Variants in ARID1B observed in about 807,000 individuals in gnomAD.
ARID1B encodes AT-rich interaction domain 1B, also known as AT-rich interactive domain-containing protein 1B.
A neutral mutation model predicts 212.3 loss-of-function variants in ARID1B; 30 were observed. That is an observed-to-expected ratio of 0.14 (90% CI 0.11 to 0.19). The LOEUF (loss-of-function observed/expected upper bound fraction) is 0.19, where lower values mean the gene tolerates loss of function less well. Among genes scored for constraint, ARID1B ranks in the 10% least tolerant of loss-of-function variants. The pLI is 1.00. For synonymous variants in ARID1B, 1,402 were observed against 1,301.7 expected (o/e 1.08, Z -1.66); for missense variants, 2,891 against 3,204.0 (o/e 0.90, Z 2.36).
intron 7 of ARID1B, among the ~76,000 whole-genome samples, chr6:157,141,952 A>T (rs1220275260): frequency 2.0e-5 from 3 of 152,236 alleles, no homozygotes; most frequent in Non-Finnish European, 4.4e-5. Flanking sequence ...TTCCTACCAC[A>T]CAAAGACCTG....
chr6:157,142,683 T>C (rs1299574500), intron 7 of ARID1B, among the ~76,000 whole-genome samples: 1 of 152,176 alleles, frequency 6.6e-6, no homozygotes. Flanking sequence ...GTAGTAACTG[T>C]TATAAAAATG....
intron 4 of ARID1B, among the ~76,000 whole-genome samples, chr6:156,956,611 A>T (rs1793998472): frequency 6.6e-6 from 1 of 152,146 alleles, no homozygotes; most frequent in Non-Finnish European, 1.5e-5. Flanking sequence ...TAGTCCACTG[A>T]TATCTTAATG....
intron 4 of ARID1B, among the ~76,000 whole-genome samples, chr6:157,041,691 C>T (rs1015209083): frequency 7.2e-5 from 11 of 152,206 alleles, no homozygotes; most frequent in South Asian, 2.1e-4. Flanking sequence ...CTCAAGTTCA[C>T]GCAACCAATC....
At chr6:156,804,467 G>A (rs978130733) in intron 1 of ARID1B, among the ~76,000 whole-genome samples, 5 of 152,066 alleles carry the variant, frequency 3.3e-5, no homozygotes, top group African/African-American at 1.2e-4. Flanking sequence ...CCTGAGACTG[G>A]GTAATTTATA....
intron 1 of ARID1B, among the ~76,000 whole-genome samples, chr6:156,782,319 T>C (rs1252852154): frequency 6.6e-6 from 1 of 152,070 alleles, no homozygotes; most frequent in Admixed American, 6.5e-5. Flanking sequence ...GGGTGGCAAA[T>C]GTTTTCGTAA....
At chr6:157,162,768 C>T (rs967297203) in intron 8 of ARID1B, among the ~76,000 whole-genome samples, 3 of 152,200 alleles carry the variant, frequency 2.0e-5, no homozygotes, top group Non-Finnish European at 2.9e-5. Context: ...AGCGCAGTGT[C>T]GGCATCCTGG....
chr6:156,854,746 T>C lies in ARID1B; in HGVS notation c.1986+25325T>C, dbSNP rs145197889. On this transcript the variant is annotated intron_variant, in intron 2 of 19. Transcript: ENST00000636930. ...GTGCTATTTGCTTGTTGTGTTTGAA[T>C]ATATAGGGCACAGATGAAACAGTGA... Among the ~76,000 whole-genome samples the C allele has an allele frequency of 3.3e-3, 496 of 152,380 alleles. 2 individuals carry two copies. Among genetic ancestry groups the C allele is most frequent in the African/African-American group, 0.011 (472 of 41,586 alleles).
chr6:157,184,801 T>C (rs1236253340), intron 13 of ARID1B: 2 of 292,044 alleles, frequency 6.8e-6, no homozygotes, highest in Non-Finnish European at 1.3e-5. Flanking sequence ...TTTGAATACA[T>C]GTGCACTTCT....
intron 2 of ARID1B, among the ~76,000 whole-genome samples, chr6:156,831,354 C>T (rs1427553853): frequency 1.3e-5 from 2 of 152,200 alleles, no homozygotes; most frequent in African/African-American, 4.8e-5. Flanking sequence ...AGTGGATGCT[C>T]GCTGCTCTTG....
chr6:157,121,765 G>A (rs541604901), intron 6 of ARID1B, among the ~76,000 whole-genome samples: 31 of 151,508 alleles, frequency 2.0e-4, no homozygotes, highest in Admixed American at 7.9e-4. Flanking sequence ...CCGAGTAGCT[G>A]GAACTATAGG....
chr6:157,093,735 T>G (rs1448130880), intron 5 of ARID1B, among the ~76,000 whole-genome samples: 5 of 152,248 alleles, frequency 3.3e-5, no homozygotes, highest in Non-Finnish European at 7.3e-5. Context: ...CCAAATATAT[T>G]ACTTCATTTG....
At chr6:156,964,087 G>A (rs1386273249) in intron 4 of ARID1B, among the ~76,000 whole-genome samples, 2 of 152,244 alleles carry the variant, frequency 1.3e-5, no homozygotes, top group African/African-American at 2.4e-5. Context: ...TTGGCCTGCA[G>A]TTGTGGGGGA....
At chr6:156,844,941 C>T (rs1784130679) in intron 2 of ARID1B, among the ~76,000 whole-genome samples, 1 of 152,186 alleles carries the variant, frequency 6.6e-6, no homozygotes, top group Non-Finnish European at 1.5e-5. Flanking sequence ...GAACGGTGCA[C>T]TTCCTCTCAA....
rs1475534016 is a variant in ARID1B at position 157,047,839 on chromosome 6, CA to C, written c.2248-36822del. Reference sequence around the variant, plus strand: ...AAAAATGCATATATTCTCTTATCCCCACCCTCAAACACCTGTTCATTTGGGA... The same window carrying C: ...AAAAATGCATATATTCTCTTATCCCCCCCTCAAACACCTGTTCATTTGGGA... On this transcript the variant is annotated intron_variant, in intron 4 of 19. Coordinates refer to ENST00000636930, the MANE Select transcript of ARID1B (RefSeq NM_001374828.1). 2.0e-5 allele frequency among the ~76,000 whole-genome samples: 3 copies of C among 152,294 alleles called. No homozygotes were observed. In the East Asian group the frequency reaches 5.8e-4, roughly 29 times the overall value.
chr6:157,146,790 C>T (rs922050244), intron 7 of ARID1B, among the ~76,000 whole-genome samples: 3 of 152,180 alleles, frequency 2.0e-5, no homozygotes, highest in African/African-American at 7.2e-5. Flanking sequence ...TGGAGAAAGG[C>T]TTCCAAAAAA....
At chr6:157,093,816 A>G (rs1258902027) in intron 5 of ARID1B, among the ~76,000 whole-genome samples, 1 of 152,224 alleles carries the variant, frequency 6.6e-6, no homozygotes, top group Non-Finnish European at 1.5e-5. Flanking sequence ...TGGAAAGCCA[A>G]CTATCCTAAT....
chr6:157,039,853 TCTC>T, intron 4 of ARID1B, among the ~76,000 whole-genome samples: 2 of 135,624 alleles, frequency 1.5e-5, no homozygotes, highest in Middle Eastern at 3.6e-3. Flanking sequence ...TCTCTTTCTC[TCTC>T]TTTCTCTCTC....
intron 4 of ARID1B, among the ~76,000 whole-genome samples, chr6:156,971,864 A>G (rs1483446039): frequency 6.6e-6 from 1 of 152,152 alleles, no homozygotes; most frequent in Non-Finnish European, 1.5e-5. Flanking sequence ...AGGGGCCTTA[A>G]TTATATCCTC....
chr6:156,788,731 C>T (rs1779816377), intron 1 of ARID1B, among the ~76,000 whole-genome samples: 1 of 152,156 alleles, frequency 6.6e-6, no homozygotes, highest in Non-Finnish European at 1.5e-5. Context: ...TAGGGCTGCT[C>T]TTAAATAGTC....
Sources: allele counts gnomAD v4.1 joint callset (sites outside exome capture counted in the v4.1 genomes callset), GRCh38; gene constraint gnomAD v4.1.1; transcripts MANE v1.5; gene names NCBI Gene and HGNC (gene_info 2026-07-23, HGNC 2026-07-21).